The following RNF2 variants were observed in gnomAD, a reference collection of about 807,000 sequenced individuals.
The protein encoded by RNF2 is ring finger protein 2.
In RNF2, 6 loss-of-function variants were observed where a neutral mutation model predicts 37.2. The observed-to-expected ratio is 0.16, with a 90% CI of 0.09 to 0.32. The LOEUF is 0.32. RNF2 is among the 10% of genes least tolerant of loss of function. The pLI is 1.00. For synonymous variants in RNF2, 133 were observed against 132.7 expected (o/e 1.00, Z -0.02); for missense variants, 251 against 404.0 (o/e 0.62, Z 3.25).
intron 1 of RNF2, among the ~76,000 whole-genome samples, chr1:185,077,222 A>G (rs1051875261): frequency 2.6e-5 from 4 of 151,786 alleles, no homozygotes; most frequent in Non-Finnish European, 4.4e-5. Context: ...GTTGGATTTT[A>G]TAGTTAGCTA....
At chr1:185,079,678 C>G (rs1231474391) in intron 1 of RNF2, among the ~76,000 whole-genome samples, 1 of 152,086 alleles carries the variant, frequency 6.6e-6, no homozygotes, top group African/African-American at 2.4e-5. Context: ...GCCTGTAATC[C>G]CAGCACTTTG....
At chr1:185,076,308 T>TTTTG (rs1431777673) in intron 1 of RNF2, among the ~76,000 whole-genome samples, 2 of 113,244 alleles carry the variant, frequency 1.8e-5, no homozygotes, top group Non-Finnish European at 3.5e-5. Context: ...TTTTTTTTTT[T>TTTTG]GAGACAGAGT....
chr1:185,066,295 G>A (rs987204542), intron 1 of RNF2, among the ~76,000 whole-genome samples: 8 of 152,160 alleles, frequency 5.3e-5, no homozygotes, highest in African/African-American at 1.9e-4. Context: ...TGCTGAGGCT[G>A]TACTCCCCAC....
chr1:185,097,947 C>A, intron 4 of RNF2, 125 bp from the exon 5 acceptor site: 1 of 989,636 alleles, frequency 1.0e-6, no homozygotes, highest in Non-Finnish European at 1.5e-6. Context: ...TATCATCCAA[C>A]TCAGAGTAAA....
chr1:185,078,968 C>T (rs187847726), intron 1 of RNF2, among the ~76,000 whole-genome samples: 128 of 152,024 alleles, frequency 8.4e-4, no homozygotes, highest in Middle Eastern at 3.4e-3. Flanking sequence ...CGCTTGAACC[C>T]GGGAGGCAGA....
intron 1 of RNF2, among the ~76,000 whole-genome samples, chr1:185,086,965 A>G (rs1344977953): frequency 6.6e-6 from 1 of 152,218 alleles, no homozygotes; most frequent in Non-Finnish European, 1.5e-5. Context: ...TTGATATGCT[A>G]AGTACTTCCT....
intron 1 of RNF2, among the ~76,000 whole-genome samples, chr1:185,069,946 AT>A (rs1650918167): frequency 6.6e-6 from 1 of 152,120 alleles, no homozygotes; most frequent in African/African-American, 2.4e-5. Flanking sequence ...TCAGCCATTG[AT>A]TTTCTGCTTA....
intron 2 of RNF2, among the ~76,000 whole-genome samples, chr1:185,089,726 G>A (rs1336858844): frequency 6.6e-6 from 1 of 152,078 alleles, no homozygotes. Flanking sequence ...GTTTTCAATT[G>A]TGTTTATAAG....
chr1:185,081,014 T>G (rs2102185712), intron 1 of RNF2, among the ~76,000 whole-genome samples: 1 of 152,150 alleles, frequency 6.6e-6, no homozygotes, highest in East Asian at 1.9e-4. Flanking sequence ...CCTGAGTAGT[T>G]TTGGTTCTCT....
At chr1:185,050,618 T>G (rs1398044925) in intron 1 of RNF2, among the ~76,000 whole-genome samples, 1 of 152,266 alleles carries the variant, frequency 6.6e-6, no homozygotes, top group Non-Finnish European at 1.5e-5. Flanking sequence ...AATAAAATAT[T>G]GATCATTACC....
chr1:185,076,229 TTAGGCTGC>T (rs1651147591), intron 1 of RNF2, among the ~76,000 whole-genome samples: 1 of 149,154 alleles, frequency 6.7e-6, no homozygotes, highest in Non-Finnish European at 1.5e-5. Flanking sequence ...TATCTTGCTT[TTAGGCTGC>T]CCTTCTTTTC....
At chr1:185,090,084 G>T (rs1651724758) in intron 2 of RNF2, among the ~76,000 whole-genome samples, 1 of 151,890 alleles carries the variant, frequency 6.6e-6, no homozygotes, top group East Asian at 2.0e-4. Context: ...ACCATGCCCG[G>T]CTAATTTTTG....
chr1:185,056,764 TGG>T (rs1459277912), intron 1 of RNF2, among the ~76,000 whole-genome samples: 6 of 152,136 alleles, frequency 3.9e-5, no homozygotes, highest in Non-Finnish European at 8.8e-5. Context: ...GAGCTAAGAA[TGG>T]GGGTAAATTC....
chr1:185,063,971 C>T (rs2102164093), intron 1 of RNF2, among the ~76,000 whole-genome samples: 1 of 152,300 alleles, frequency 6.6e-6, no homozygotes, highest in Middle Eastern at 3.4e-3. Flanking sequence ...ATAATCTCCC[C>T]ATCTTAAGAG....
In RNF2 at chr1:185,054,793, G is replaced by C. The variant is rs142347446; in HGVS notation, c.-3+9144G>C. On this transcript the variant is annotated intron_variant, in intron 1 of 6. Coordinates refer to ENST00000367510, the MANE Select transcript of RNF2 (RefSeq NM_007212.4). ...GCTCACTGCATCCTCCGCCTGCCGGGGTCAAGCGATCTTGCCACCTCAGTT... is the reference window on the plus strand; with the variant it reads ...GCTCACTGCATCCTCCGCCTGCCGGCGTCAAGCGATCTTGCCACCTCAGTT... 7.1e-3 allele frequency among the ~76,000 whole-genome samples: 1,078 copies of C among 152,296 alleles called. 6 individuals are homozygous for C. The highest frequency in any genetic ancestry group is 0.011 in the Non-Finnish European group (773 of 68,016).
chr1:185,079,056 G>A (rs920544438), intron 1 of RNF2, among the ~76,000 whole-genome samples: 22 of 150,346 alleles, frequency 1.5e-4, no homozygotes, highest in Non-Finnish European at 2.7e-4. Context: ...CAGCTTTCAC[G>A]GTCTACTATG....
At chr1:185,054,794 G>A (rs372636643) in intron 1 of RNF2, among the ~76,000 whole-genome samples, 1 of 152,120 alleles carries the variant, frequency 6.6e-6, no homozygotes, top group East Asian at 1.9e-4. Context: ...GCCTGCCGGG[G>A]TCAAGCGATC....
At chr1:185,065,625 C>T (rs1346683057) in intron 1 of RNF2, among the ~76,000 whole-genome samples, 2 of 152,164 alleles carry the variant, frequency 1.3e-5, no homozygotes, top group African/African-American at 4.8e-5. Context: ...CAGCTTCACT[C>T]CTGAAGTCAG....
intron 1 of RNF2, among the ~76,000 whole-genome samples, chr1:185,063,539 A>G (rs942717058): frequency 7.9e-5 from 12 of 152,200 alleles, no homozygotes; most frequent in Non-Finnish European, 1.8e-4. Context: ...CACTCTTACC[A>G]TCTTCTGGTA....
Sources: gnomAD v4.1 joint callset for allele counts (sites outside exome capture counted in the v4.1 genomes callset) on GRCh38, gnomAD v4.1.1 for gene constraint, MANE v1.5 for transcripts, NCBI Gene and HGNC (gene_info 2026-07-23, HGNC 2026-07-21) for gene names.